The following FRMD4A variants were observed in gnomAD, a reference collection of about 807,000 sequenced individuals.
FRMD4A encodes FERM domain-containing protein 4A.
Under a neutral mutation model 129.1 loss-of-function variants are expected in FRMD4A, and 29 were observed. The observed-to-expected ratio is 0.22, with a 90% CI of 0.17 to 0.31. FRMD4A has a LOEUF of 0.31. Among genes scored for constraint, FRMD4A ranks in the 10% least tolerant of loss-of-function variants. FRMD4A has a pLI of 1.00. For synonymous variants in FRMD4A, 634 were observed against 571.6 expected (o/e 1.11, Z -1.56); for missense variants, 1,272 against 1,375.8 (o/e 0.92, Z 1.19).
chr10:13,840,374 A>T (rs1400296776), intron 3 of FRMD4A, among the ~76,000 whole-genome samples: 1 of 152,216 alleles, frequency 6.6e-6, no homozygotes, highest in Non-Finnish European at 1.5e-5. Flanking sequence ...AAACCTGCCG[A>T]GACTCTGATC....
intron 6 of FRMD4A, among the ~76,000 whole-genome samples, chr10:13,770,592 C>G (rs1453011158): frequency 6.6e-6 from 1 of 151,970 alleles, no homozygotes; most frequent in African/African-American, 2.4e-5. Context: ...CACAGGCACA[C>G]ACCACCGTGC....
At chr10:13,683,254 T>A (rs1326211) in intron 15 of FRMD4A, among the ~76,000 whole-genome samples, 10 of 152,242 alleles carry the variant, frequency 6.6e-5, no homozygotes, top group African/African-American at 2.4e-4. Flanking sequence ...ATGCATCCAG[T>A]GCTCAGACCT....
rs73590433 is a variant in FRMD4A, at chr10:13,683,469, C to T, written c.1118-8425G>A. Among the ~76,000 whole-genome samples, 588 of 151,458 alleles carry T rather than the reference C, an allele frequency of 3.9e-3. 2 individuals carry two copies. The highest frequency in any genetic ancestry group is 0.013 in the African/African-American group (556 of 41,360). ...AAAATTAGTTGGATGTGGTGGTAAA[C>T]GCCTGTAGTCCCAGCTGCCCAAAAG... On this transcript the variant is annotated intron_variant, in intron 15 of 24. Coordinates refer to ENST00000357447, the MANE Select transcript of FRMD4A (RefSeq NM_018027.5).
intron 2 of FRMD4A, among the ~76,000 whole-genome samples, chr10:14,116,609 G>C (rs561652232): frequency 6.6e-6 from 1 of 152,170 alleles, no homozygotes; most frequent in African/African-American, 2.4e-5. Flanking sequence ...AGGAGACTCA[G>C]TGGGTTACAG....
intron 2 of FRMD4A, among the ~76,000 whole-genome samples, chr10:14,136,507 T>A (rs1419079257): frequency 1.3e-5 from 2 of 152,134 alleles, no homozygotes; most frequent in Non-Finnish European, 2.9e-5. Context: ...AATGCAGATT[T>A]ACTGAGCCAG....
chr10:13,957,412 C>T (rs1265387321), intron 2 of FRMD4A, among the ~76,000 whole-genome samples: 1 of 152,126 alleles, frequency 6.6e-6, no homozygotes, highest in Admixed American at 6.6e-5. Context: ...CACCACCATG[C>T]CCGGCTAATT....
intron 2 of FRMD4A, among the ~76,000 whole-genome samples, chr10:13,861,249 G>A (rs1300170108): frequency 6.6e-6 from 1 of 152,124 alleles, no homozygotes; most frequent in Non-Finnish European, 1.5e-5. Context: ...TTGCAGGTAC[G>A]GCAAGATTAA....
chr10:14,067,647 T>C (rs1835125952), intron 2 of FRMD4A, among the ~76,000 whole-genome samples: 1 of 151,792 alleles, frequency 6.6e-6, no homozygotes, highest in Non-Finnish European at 1.5e-5. Flanking sequence ...TGAAACTCCA[T>C]CTCTACTAAA....
chr10:13,728,570 A>ATTTTTTTTTT (rs1386167455), intron 12 of FRMD4A, among the ~76,000 whole-genome samples: 1 of 28,664 alleles, frequency 3.5e-5, no homozygotes, highest in African/African-American at 8.4e-5. Flanking sequence ...GGTGATTACC[A>ATTTTTTTTTT]TTCTTTTTTT....
At chr10:14,136,821 C>T (rs1046303399) in intron 2 of FRMD4A, among the ~76,000 whole-genome samples, 1 of 152,190 alleles carries the variant, frequency 6.6e-6, no homozygotes, top group Admixed American at 6.5e-5. Context: ...GTCATCAGGA[C>T]CTCCTGAGGT....
At chr10:13,916,876 G>A (rs2095014200) in intron 2 of FRMD4A, among the ~76,000 whole-genome samples, 1 of 152,160 alleles carries the variant, frequency 6.6e-6, no homozygotes, top group Non-Finnish European at 1.5e-5. Context: ...GAAAGAAACA[G>A]AAGAAAAAGA....
chr10:13,826,234 G>C (rs2093699076), intron 3 of FRMD4A, among the ~76,000 whole-genome samples: 1 of 152,148 alleles, frequency 6.6e-6, no homozygotes, highest in African/African-American at 2.4e-5. Flanking sequence ...CTTTGACAAA[G>C]ACCTTCTCTG....
chr10:13,684,380 G>A (rs1457671717), intron 15 of FRMD4A: 4 of 984,914 alleles, frequency 4.1e-6, no homozygotes, highest in Non-Finnish European at 4.8e-6. Context: ...ACTTCCCGAT[G>A]CTATGAACAT....
intron 2 of FRMD4A, among the ~76,000 whole-genome samples, chr10:14,228,599 C>T (rs1278848537): frequency 6.6e-6 from 1 of 152,118 alleles, no homozygotes; most frequent in Non-Finnish European, 1.5e-5. Context: ...GGTGATATAG[C>T]CAGGGTTTGT....
At chr10:13,718,671 T>C (rs1775653799) in intron 12 of FRMD4A, among the ~76,000 whole-genome samples, 2 of 152,304 alleles carry the variant, frequency 1.3e-5, no homozygotes, top group Admixed American at 6.5e-5. Flanking sequence ...AACTGAATTG[T>C]GGGGAAGAGG....
chr10:13,909,609 T>C (rs995212932), intron 2 of FRMD4A, among the ~76,000 whole-genome samples: 46 of 152,258 alleles, frequency 3.0e-4, no homozygotes, highest in African/African-American at 9.6e-4. Flanking sequence ...TTAATTATTA[T>C]GGATGTACGA....
chr10:14,156,380 C>G (rs369714472), intron 2 of FRMD4A, among the ~76,000 whole-genome samples: 3 of 152,172 alleles, frequency 2.0e-5, no homozygotes, highest in African/African-American at 7.2e-5. Flanking sequence ...CACACTAAAA[C>G]TATTGAGTGA....
intron 2 of FRMD4A, among the ~76,000 whole-genome samples, chr10:13,860,584 T>C (rs2094281140): frequency 6.6e-6 from 1 of 152,164 alleles, no homozygotes; most frequent in Non-Finnish European, 1.5e-5. Flanking sequence ...CTGTATTTAG[T>C]GGCTAACCGG....
chr10:14,116,872 G>C (rs1838226563), intron 2 of FRMD4A, among the ~76,000 whole-genome samples: 1 of 152,204 alleles, frequency 6.6e-6, no homozygotes, highest in Non-Finnish European at 1.5e-5. Flanking sequence ...TTCCTGTTAT[G>C]TTACATCTGT....
Sources: gnomAD v4.1 joint callset for allele counts (sites outside exome capture counted in the v4.1 genomes callset) on GRCh38, gnomAD v4.1.1 for gene constraint, MANE v1.5 for transcripts, NCBI Gene and HGNC (gene_info 2026-07-23, HGNC 2026-07-21) for gene names.